RAB11FIP3: variants seen among roughly 807,000 people sequenced by gnomAD.
RAB11FIP3 encodes RAB11 family interacting protein 3.
In RAB11FIP3, 17 loss-of-function variants were observed where a neutral mutation model predicts 77.8. That is an observed-to-expected ratio of 0.22 (90% CI 0.15 to 0.33). RAB11FIP3 has a LOEUF of 0.33. RAB11FIP3 is among the 10% of genes least tolerant of loss of function. The probability of loss-of-function intolerance (pLI) is 1.00; values close to 1 mark genes in which losing one functional copy is unlikely to be tolerated. For synonymous variants in RAB11FIP3, 437 were observed against 448.2 expected, an observed-to-expected ratio of 0.98 and a Z score of 0.31; for missense variants, 1,005 against 1,011.2, an observed-to-expected ratio of 0.99 and a Z score of 0.08.
intron 1 of RAB11FIP3, among the ~76,000 whole-genome samples, chr16:458,535 G>A (rs2055544584): frequency 7.0e-6 from 1 of 142,126 alleles, no homozygotes; most frequent in African/African-American, 2.7e-5. Flanking sequence ...CGGGTTCACC[G>A]ATGCCCACAG....
chr16:429,030 A>G (rs930447302), intron 1 of RAB11FIP3, among the ~76,000 whole-genome samples: 4 of 152,086 alleles, frequency 2.6e-5, no homozygotes, highest in African/African-American at 9.7e-5. Flanking sequence ...GGAAGAAGCA[A>G]TGTTGGGTGT....
intron 3 of RAB11FIP3, chr16:477,611 G>A: frequency 2.0e-6 from 2 of 985,416 alleles, no homozygotes; most frequent in Admixed American, 1.2e-4. Context: ...TCCTGAGTGG[G>A]CCCTGGGCCC....
At chr16:502,856 G>A (rs1399045895) in intron 6 of RAB11FIP3, 148 bp from the exon 7 acceptor site, 3 of 687,684 alleles carry the variant, frequency 4.4e-6, no homozygotes, top group Non-Finnish European at 7.7e-6. Context: ...GCTTTAAGTG[G>A]GAGAAGACCA....
intron 1 of RAB11FIP3, among the ~76,000 whole-genome samples, chr16:429,571 C>T (rs2055003539): frequency 2.0e-5 from 3 of 149,828 alleles, no homozygotes; most frequent in African/African-American, 7.4e-5. Context: ...GTGATCTCGG[C>T]TCACTGCAAC....
chr16:501,640 C>T (rs180937014), intron 6 of RAB11FIP3, among the ~76,000 whole-genome samples: 2,874 of 148,646 alleles, frequency 0.019, 32 homozygotes, highest in Non-Finnish European at 0.034. Flanking sequence ...GGGAGAGGGT[C>T]CCCCCATTTC....
rs1414771455 is a variant in RAB11FIP3, at chr16:507,390, C to T, written c.1499+1763C>T. Among the ~76,000 whole-genome samples, 1 of 152,178 alleles carries T rather than the reference C, an allele frequency of 6.6e-6. No individual in the cohort carries two copies. The highest frequency in any genetic ancestry group is 2.4e-5 in the African/African-American group (1 of 41,450). ...CCTCCCAAAATGCTGGGATTACAGG[C>T]GTGAGCCACCGTGCCCGGCCTAGTT... On this transcript the variant is annotated intron_variant, in intron 8 of 13. Coordinates refer to ENST00000262305, the MANE Select transcript of RAB11FIP3 (RefSeq NM_014700.4). The surrounding 1 kb of genome is among the most constrained non-coding windows in gnomAD (Gnocchi z 4.6).
rs188805945 is a variant in RAB11FIP3 at position 493,751 on chromosome 16, C to T, written c.1266-3073C>T. On this transcript the variant is annotated intron_variant, in intron 5 of 13. Coordinates refer to ENST00000262305, the MANE Select transcript of RAB11FIP3 (RefSeq NM_014700.4). ...CCTCCCGAGTAGCTGGGACTACAGG[C>T]GCCCATCACCACACCTGGCTAACTT... 3.4e-4 allele frequency among the ~76,000 whole-genome samples: 50 copies of T among 149,130 alleles called. No individual in the cohort carries two copies. The East Asian group carries it at 7.8e-3, about 23-fold the overall frequency.
chr16:444,186 T>C (rs2055274100), intron 1 of RAB11FIP3, among the ~76,000 whole-genome samples: 1 of 152,288 alleles, frequency 6.6e-6, no homozygotes, highest in Admixed American at 6.5e-5. Flanking sequence ...TTTCTTTCTT[T>C]TGTGGTATTA....
At position 520,196 on chromosome 16, in the gene RAB11FIP3, C is replaced by T; in HGVS notation, c.1935C>T (p.Arg645=). The T allele has an allele frequency of 6.5e-7, 1 of 1,545,328 alleles. No individual in the cohort carries two copies. Among genetic ancestry groups the T allele is most frequent in the East Asian group, 2.4e-5 (1 of 41,074 alleles). ...LKLEAEQRRG[R]SSSMGLQEYH... The stretch of plus-strand genomic sequence containing the variant: ...TGGAGGCCGAGCAGCGGCGGGGCCG[C>T]AGCAGCAGCATGGGCCTGCAGGAGT... The change falls in exon 12 of 14, where the codon CGC becomes CGT. Residue 645 remains arginine, a synonymous_variant. Transcript: ENST00000262305.
intron 5 of RAB11FIP3, among the ~76,000 whole-genome samples, chr16:492,845 G>A (rs74003935): frequency 0.04 from 6,087 of 152,186 alleles, 369 homozygotes; most frequent in African/African-American, 0.13. Context: ...GGCCATGGTC[G>A]CCTCTGCTGG....
In RAB11FIP3 at chr16:426,615, C is replaced by T. The variant is rs369416888; in HGVS notation, c.609C>T (p.Asp203=). 4 of 1,592,730 alleles carry T rather than the reference C, an allele frequency of 2.5e-6. No individual in the cohort carries two copies. The highest frequency in any genetic ancestry group is 1.4e-5 in the African/African-American group (1 of 73,674). The change falls in exon 1 of 14, where the codon GAC becomes GAT. Residue 203 remains aspartate, a synonymous_variant. Coordinates refer to ENST00000262305, the MANE Select transcript of RAB11FIP3 (RefSeq NM_014700.4). This position sits in a 1 kb window ranked among gnomAD's most constrained non-coding sequence, Gnocchi z 5.0. ...LPSEPVGSQE[D]GPRLRAVFDA... ...GCGAGCCCGTGGGGAGTCAGGAGGA[C>T]GGCCCCCGCCTCCGAGCCGTGTTCG...
At chr16:490,169 C>A (rs1008000132) in intron 5 of RAB11FIP3, among the ~76,000 whole-genome samples, 6 of 152,242 alleles carry the variant, frequency 3.9e-5, no homozygotes, top group Non-Finnish European at 8.8e-5. Flanking sequence ...TCACTTTTCA[C>A]CTTTCTTTAC....
Position 496,821 on chromosome 16 carries a change from C to T in RAB11FIP3, c.1266-3C>T, listed in dbSNP as rs765483822. ...TTTCCTGTTTATTTTGTTTTCTGCA[C>T]AGTCCGACAAAGCGGCTCTCCAGCA... On this transcript the variant is annotated splice_polypyrimidine_tract_variant and splice_region_variant and intron_variant, in intron 5 of 13. Transcript: ENST00000262305. 1.3e-6 allele frequency: 2 copies of T among 1,592,264 alleles called. No individual in the cohort carries two copies. Among genetic ancestry groups the T allele is most frequent in the African/African-American group, 1.3e-5 (1 of 74,538 alleles).
rs940821493 is a variant in RAB11FIP3 at position 505,214 on chromosome 16, T to A, written c.1396-310T>A. 6.6e-6 allele frequency among the ~76,000 whole-genome samples: 1 copy of A among 151,680 alleles called. No homozygotes were observed. The highest frequency in any genetic ancestry group is 2.4e-5 in the African/African-American group (1 of 41,284). On this transcript the variant is annotated intron_variant, in intron 7 of 13. Coordinates refer to ENST00000262305, the MANE Select transcript of RAB11FIP3 (RefSeq NM_014700.4). The surrounding 1 kb of genome is among the most constrained non-coding windows in gnomAD (Gnocchi z 4.0). ...ATCTGGCTGAGCAGAGACCCAACTG[T>A]GTGTTGGGGGGCTGAGTCTTGCTGC...
rs912693797 is a variant in RAB11FIP3 at position 461,266 on chromosome 16, G to A, written c.715-138G>A. 2.8e-5 allele frequency: 17 copies of A among 604,604 alleles called. No homozygotes were observed. Among genetic ancestry groups the A allele is most frequent in the African/African-American group, 9.5e-5 (5 of 52,838 alleles). The allele number at this position is 604,604 out of a possible 1,614,324, so 37.5% of individuals were successfully genotyped here. A position where few individuals can be genotyped will look rare whatever the true frequency, so the allele number is the denominator to read the frequency against. On this transcript the variant is annotated intron_variant, in intron 1 of 13. Coordinates refer to ENST00000262305, the MANE Select transcript of RAB11FIP3 (RefSeq NM_014700.4). The surrounding 1 kb of genome is among the most constrained non-coding windows in gnomAD (Gnocchi z 4.5). ...GATCTGACAGGAGGGGAGCTCAGGC[G>A]GTAATGCTCCCTCACCTCCTGCTGT... is the stretch of plus-strand genomic sequence containing the variant.
intron 1 of RAB11FIP3, among the ~76,000 whole-genome samples, chr16:446,352 G>A (rs544349125): frequency 6.6e-6 from 1 of 152,324 alleles, no homozygotes; most frequent in South Asian, 2.1e-4. Flanking sequence ...CAGAGAGGCA[G>A]GGCACTGAGG....
At chr16:520,383 T>C (rs1417408999) in intron 12 of RAB11FIP3, 76 bp from the exon 13 acceptor site, 4 of 1,592,510 alleles carry the variant, frequency 2.5e-6, no homozygotes, top group African/African-American at 1.3e-5. Flanking sequence ...GGAGGCCTTT[T>C]TCCCCGGGCA....
chr16:492,455 T>TCCCCGGAGACCCGAGGCCGTCCAGGGCCC lies in RAB11FIP3; in HGVS notation c.1265+3455_1265+3456insCCCCGGAGACCCGAGGCCGTCCAGGGCCC, dbSNP rs1567392335. Among the ~76,000 whole-genome samples the TCCCCGGAGACCCGAGGCCGTCCAGGGCCC allele has an allele frequency of 1.5e-4, 7 of 48,170 alleles. 2 individuals carry two copies. 31.6% of individuals were successfully genotyped at this position (48,170 alleles called of 152,430 possible). ...GGAGACCCGAGGCCGCCCAGGGCCC[T>TCCCCGGAGACCCGAGGCCGTCCAGGGCCC]TCCCGGGGAGACCCGAGGCCGCCCA... On this transcript the variant is annotated intron_variant, in intron 5 of 13. Transcript: ENST00000262305.
At chr16:513,607 A>G (rs1029970091) in intron 9 of RAB11FIP3, among the ~76,000 whole-genome samples, 6 of 152,176 alleles carry the variant, frequency 3.9e-5, no homozygotes, top group African/African-American at 1.4e-4. Context: ...TTTTAAACTG[A>G]GCATGTACTA....
Sources: allele counts gnomAD v4.1 joint callset (sites outside exome capture counted in the v4.1 genomes callset), GRCh38; gene constraint gnomAD v4.1.1; non-coding constraint Gnocchi (gnomAD v3.1); transcripts MANE v1.5; gene names NCBI Gene and HGNC (gene_info 2026-07-23, HGNC 2026-07-21).